NKD1: variants seen among roughly 807,000 people sequenced by gnomAD.
NKD1 encodes the protein protein naked cuticle homolog 1.
NKD1 carries 21 observed loss-of-function variants against 56.0 expected under a neutral mutation model. The observed-to-expected ratio is 0.38, with a 90% CI of 0.27 to 0.54. The LOEUF (loss-of-function observed/expected upper bound fraction) is 0.54, where lower values mean the gene tolerates loss of function less well. NKD1 is among the 20% of genes least tolerant of loss of function. The pLI is 0.82. For synonymous variants in NKD1, 263 were observed against 265.7 expected (o/e 0.99, Z 0.10); for missense variants, 578 against 642.7 (o/e 0.90, Z 1.09).
intron 3 of NKD1, chr16:50,574,946 A>G: frequency 1.0e-6 from 1 of 975,272 alleles, no homozygotes; most frequent in Non-Finnish European, 1.2e-6. Context: ...CCCTTTAAAC[A>G]TCAGAATTGG....
In NKD1 at chr16:50,565,621, C is replaced by T. The variant is rs543013593; in HGVS notation, c.192+16066C>T. Among the ~76,000 whole-genome samples, 231 of 151,848 alleles carry T rather than the reference C, an allele frequency of 1.5e-3. 1 individual carries two copies. The highest frequency in any genetic ancestry group is 1.9e-3 in the Non-Finnish European group (128 of 67,950). On this transcript the variant is annotated intron_variant, in intron 3 of 9. Transcript: ENST00000268459. Reference sequence around the variant, plus strand: ...GGAGGATGGTTTGGGGCCAGGAGTTCGAGGCTGCAGTGAGCCATGTTTGCA... The same window carrying T: ...GGAGGATGGTTTGGGGCCAGGAGTTTGAGGCTGCAGTGAGCCATGTTTGCA...
intron 3 of NKD1, chr16:50,566,253 G>A (rs1399476576): frequency 1.3e-5 from 11 of 858,988 alleles, no homozygotes; most frequent in Non-Finnish European, 1.5e-5. Context: ...TTCAGTTACA[G>A]CTGGATCCAC....
At chr16:50,580,946 C>T (rs886260254) in intron 3 of NKD1, among the ~76,000 whole-genome samples, 3 of 152,154 alleles carry the variant, frequency 2.0e-5, no homozygotes, top group East Asian at 1.9e-4. Flanking sequence ...CTATTTCTCT[C>T]ATAGGAAACA....
In NKD1 at chr16:50,633,780, A is replaced by G; in HGVS notation, c.1412A>G (p.Ter471TrpextTer11). The change falls in exon 10 of 10, where the codon TAG becomes TGG. Residue 471 changes from the stop codon to tryptophan (W), a stop_lost. Transcript: ENST00000268459. This position sits in a 1 kb window ranked among gnomAD's most constrained non-coding sequence, Gnocchi z 4.9. The part of the protein sequence containing the change: ...HHHYHHFYQT[*>W] The stretch of plus-strand genomic sequence containing the variant: ...CATTACCACCACTTCTACCAGACAT[A>G]GAGCCCCTCCCCAGGGCCCCACCCT... 6.8e-7 allele frequency: 1 copy of G among 1,464,984 alleles called. No homozygotes were observed. The highest frequency in any genetic ancestry group is 1.8e-4 in the Middle Eastern group (1 of 5,646). 90.7% of individuals were successfully genotyped at this position (1,464,984 alleles called of 1,614,324 possible). A position where few individuals can be genotyped will look rare whatever the true frequency, so the allele number is the denominator to read the frequency against.
At chr16:50,556,738 T>G (rs527558390) in intron 3 of NKD1, 129 of 151,290 alleles carry the variant, frequency 8.5e-4, no homozygotes, top group African/African-American at 3.0e-3. Flanking sequence ...GTTTTTTTTT[T>G]TTTTTTTTTT....
At chr16:50,548,647 C>G (rs563893358) in intron 1 of NKD1, 69 bp downstream of exon 1, 10 of 1,463,028 alleles carry the variant, frequency 6.8e-6, no homozygotes, top group Admixed American at 2.5e-5. Context: ...CTAACTCTCT[C>G]CCTTCCTTTC....
chr16:50,611,087 G>A (rs1961836395), intron 4 of NKD1, among the ~76,000 whole-genome samples: 1 of 152,188 alleles, frequency 6.6e-6, no homozygotes, highest in South Asian at 2.1e-4. Context: ...CGCAGCCTGC[G>A]GCTTGGGCCC....
intron 4 of NKD1, among the ~76,000 whole-genome samples, chr16:50,616,662 T>C (rs1044440414): frequency 6.6e-6 from 1 of 152,182 alleles, no homozygotes; most frequent in Non-Finnish European, 1.5e-5. Context: ...ACTTGCTTTC[T>C]GGCTGTGCAG....
At chr16:50,618,269 G>T (rs1962007464) in intron 4 of NKD1, among the ~76,000 whole-genome samples, 1 of 152,100 alleles carries the variant, frequency 6.6e-6, no homozygotes, top group African/African-American at 2.4e-5. Context: ...GCCCCCAAAA[G>T]ATAATTTCTC....
chr16:50,551,430 A>C (rs528148628), intron 3 of NKD1, among the ~76,000 whole-genome samples: 1 of 152,372 alleles, frequency 6.6e-6, no homozygotes, highest in South Asian at 2.1e-4. Context: ...TGTGAGGCTC[A>C]GAGCCGTTGG....
rs1962711334 is a variant in NKD1, at chr16:50,648,024, C to T, written c.*14243C>T. On this transcript the variant is annotated 3_prime_UTR_variant, in exon 10 of 10. Coordinates refer to ENST00000268459, the MANE Select transcript of NKD1 (RefSeq NM_033119.5). ...AAACTCCACAGAGGCTCAGCGTCCACCTCTACCTGACACCCTGCCAGCAAC... is the reference window on the plus strand; with the variant it reads ...AAACTCCACAGAGGCTCAGCGTCCATCTCTACCTGACACCCTGCCAGCAAC... 1 of 152,206 alleles carries T rather than the reference C, an allele frequency of 6.6e-6. No homozygotes were observed. Among genetic ancestry groups the T allele is most frequent in the South Asian group, 2.1e-4 (1 of 4,828 alleles). 9.4% of individuals were successfully genotyped at this position (152,206 alleles called of 1,614,324 possible). A position where few individuals can be genotyped will look rare whatever the true frequency, so the allele number is the denominator to read the frequency against.
chr16:50,572,951 G>C, intron 3 of NKD1: 1 of 853,032 alleles, frequency 1.2e-6, no homozygotes, highest in Non-Finnish European at 1.4e-6. Context: ...AATCAGATGA[G>C]TTTGAGTTCT....
chr16:50,601,800 C>T (rs1450324068), intron 3 of NKD1, among the ~76,000 whole-genome samples: 1 of 152,076 alleles, frequency 6.6e-6, no homozygotes, highest in African/African-American at 2.4e-5. Flanking sequence ...AGGACTCTGC[C>T]CTATATTTTG....
chr16:50,625,150 T>C, intron 5 of NKD1: 1 of 354,758 alleles, frequency 2.8e-6, no homozygotes, highest in South Asian at 3.0e-5. Context: ...TCCTTTGCCT[T>C]CTAGTTGCTT....
chr16:50,608,082 GCC>G, intron 3 of NKD1: 1 of 565,986 alleles, frequency 1.8e-6, no homozygotes, highest in East Asian at 3.0e-5. Flanking sequence ...GCCTGTGGTG[GCC>G]TGAATGTTGT....
At chr16:50,569,378 T>C (rs539701797) in intron 3 of NKD1, among the ~76,000 whole-genome samples, 29 of 152,328 alleles carry the variant, frequency 1.9e-4, no homozygotes, top group African/African-American at 6.7e-4. Flanking sequence ...CATACACCCC[T>C]GCTTTATCCT....
Position 50,623,165 on chromosome 16 carries a change from C to G in NKD1, c.366+1457C>G, listed in dbSNP as rs1401881450. On this transcript the variant is annotated intron_variant, in intron 5 of 9. Coordinates refer to ENST00000268459, the MANE Select transcript of NKD1 (RefSeq NM_033119.5). This position sits in a 1 kb window ranked among gnomAD's most constrained non-coding sequence, Gnocchi z 4.1. ...GGAGAGAGTGAGTGGCGTGATGTGG[C>G]CTGTGCTGGATGGTGGGACATGGGG... 6.6e-6 allele frequency among the ~76,000 whole-genome samples: 1 copy of G among 151,280 alleles called. No individual in the cohort carries two copies. The highest frequency in any genetic ancestry group is 2.4e-5 in the African/African-American group (1 of 41,256).
At chr16:50,574,043 T>G in intron 3 of NKD1, 1 of 880,282 alleles carries the variant, frequency 1.1e-6, no homozygotes, top group Non-Finnish European at 1.4e-6. Context: ...TTTCAGTACT[T>G]TTTGAAATAG....
chr16:50,549,630 C>T, intron 3 of NKD1, 75 bp downstream of exon 3: 1 of 1,387,552 alleles, frequency 7.2e-7, no homozygotes, highest in Non-Finnish European at 9.6e-7. Context: ...CCCATGCACC[C>T]CAACTTTGAG....
Sources: allele counts gnomAD v4.1 joint callset (sites outside exome capture counted in the v4.1 genomes callset), GRCh38; gene constraint gnomAD v4.1.1; non-coding constraint Gnocchi (gnomAD v3.1); transcripts MANE v1.5; gene names NCBI Gene and HGNC (gene_info 2026-07-23, HGNC 2026-07-21).